The following FAT3 variants were observed in gnomAD, a reference collection of about 807,000 sequenced individuals.
FAT3 encodes the protein protocadherin Fat 3.
In FAT3, 95 loss-of-function variants were observed where a neutral mutation model predicts 310.2. The observed-to-expected ratio is 0.31, with a 90% CI of 0.26 to 0.36. FAT3 has a LOEUF of 0.36. FAT3 is among the 10% of genes least tolerant of loss of function. The pLI, the probability that FAT3 is intolerant of heterozygous loss-of-function variation, is 1.00. For missense variants in FAT3, 5,408 were observed against 5,715.6 expected (o/e 0.95, Z 1.74); for synonymous variants, 2,314 against 2,192.9 (o/e 1.06, Z -1.54).
At chr11:92,634,561 A>G (rs1941685045) in intron 3 of FAT3, among the ~76,000 whole-genome samples, 1 of 152,188 alleles carries the variant, frequency 6.6e-6, no homozygotes, top group Non-Finnish European at 1.5e-5. Context: ...CTGCTCATCT[A>G]TTCCAAAGAG....
At chr11:92,828,128 C>A (rs1190088824) in intron 13 of FAT3, among the ~76,000 whole-genome samples, 1 of 151,840 alleles carries the variant, frequency 6.6e-6, no homozygotes, top group Non-Finnish European at 1.5e-5. Flanking sequence ...TTGGGTTCAT[C>A]ATTTCTGCTG....
Position 92,705,321 on chromosome 11 carries a change from A to G in FAT3, c.3669+7876A>G, listed in dbSNP as rs543581739. 9.7e-5 allele frequency among the ~76,000 whole-genome samples: 13 copies of G among 134,280 alleles called. 1 individual carries two copies. The South Asian group carries it at 3.1e-3, about 32-fold the overall frequency. 88.1% of individuals were successfully genotyped at this position (134,280 alleles called of 152,430 possible). Reference sequence around the variant, plus strand: ...TGGTGGTGGTGTGATGATGGTGGTGATGGTGGTGGTGTGATGGTGGTGGTG... The same window carrying G: ...TGGTGGTGGTGTGATGATGGTGGTGGTGGTGGTGGTGTGATGGTGGTGGTG... On this transcript the variant is annotated intron_variant, in intron 4 of 27. Coordinates refer to ENST00000525166, the MANE Select transcript of FAT3 (RefSeq NM_001367949.2).
chr11:92,362,723 G>C (rs1591172783), intron 2 of FAT3, among the ~76,000 whole-genome samples: 2 of 152,184 alleles, frequency 1.3e-5, no homozygotes, highest in East Asian at 3.9e-4. Flanking sequence ...TGTGCCATCT[G>C]TTTTCTGCCA....
In FAT3 at chr11:92,750,750, GT is replaced by G. The variant is rs1591682687; in HGVS notation, c.3670-11103del. Among the ~76,000 whole-genome samples, 3 of 152,138 alleles carry G rather than the reference GT, an allele frequency of 2.0e-5. No homozygotes were observed. In the East Asian group the frequency reaches 5.8e-4, roughly 29 times the overall value. ...CGTGACTCCATTTTGGTTTGGTTTG[GT>G]TTGTTGATCCTGGTGCAGGCATTCA... On this transcript the variant is annotated intron_variant, in intron 4 of 27. Transcript: ENST00000525166.
chr11:92,402,173 A>T (rs1950029636), intron 2 of FAT3, among the ~76,000 whole-genome samples: 1 of 152,226 alleles, frequency 6.6e-6, no homozygotes, highest in Admixed American at 6.5e-5. Flanking sequence ...TGAAATTAAA[A>T]ATTAAAACCC....
At chr11:92,842,433 T>C (rs1948576504) in intron 18 of FAT3, among the ~76,000 whole-genome samples, 1 of 152,230 alleles carries the variant, frequency 6.6e-6, no homozygotes. Flanking sequence ...AAGTCTAAAC[T>C]TGTCACTCTC....
At chr11:92,587,156 A>T (rs181580262) in intron 3 of FAT3, among the ~76,000 whole-genome samples, 67 of 152,120 alleles carry the variant, frequency 4.4e-4, no homozygotes, top group Admixed American at 4.3e-3. Context: ...AATTGTGTGT[A>T]CTTTTACAGT....
At chr11:92,485,541 A>G (rs1033940422) in intron 2 of FAT3, among the ~76,000 whole-genome samples, 3 of 152,206 alleles carry the variant, frequency 2.0e-5, no homozygotes, top group Non-Finnish European at 2.9e-5. Flanking sequence ...ACCAAATCCA[A>G]TAGATTACAC....
rs1947299046 is a variant in FAT3 at position 92,800,257 on chromosome 11, G to T, written c.7244G>T (p.Cys2415Phe). 6.2e-7 allele frequency: 1 copy of T among 1,613,882 alleles called. No individual in the cohort carries two copies. The highest frequency in any genetic ancestry group is 8.5e-7 in the Non-Finnish European group (1 of 1,179,888). Reference protein sequence around the residue: ...ELAPRGHFVTCVQASDADSSD... With the variant: ...ELAPRGHFVTFVQASDADSSD... ...GCCCCCCGGGGCCATTTTGTAACCT[G>T]TGTACAAGCCTCTGATGCAGACAGC... The change falls in exon 10 of 28, where the codon TGT (cysteine) becomes TTT (phenylalanine). Residue 2415 changes from cysteine to phenylalanine, a missense_variant. This residue lies in a region of FAT3 where 4,588 missense variants were observed against 4,809.8 expected (regional missense o/e 0.95). Transcript: ENST00000525166.
chr11:92,510,545 T>A lies in FAT3; in HGVS notation c.3293-14089T>A, dbSNP rs907253047. On this transcript the variant is annotated intron_variant, in intron 2 of 27. Coordinates refer to ENST00000525166, the MANE Select transcript of FAT3 (RefSeq NM_001367949.2). Reference sequence around the variant, plus strand: ...AGAGTTTTTATAGAGAGAAGAGGTGTGCATTTGGAATCCTATAAAAATGGG... The same window carrying A: ...AGAGTTTTTATAGAGAGAAGAGGTGAGCATTTGGAATCCTATAAAAATGGG... Among the ~76,000 whole-genome samples the A allele has an allele frequency of 9.2e-5, 14 of 152,298 alleles. No homozygotes were observed. In the East Asian group the frequency reaches 2.5e-3, roughly 27 times the overall value.
intron 1 of FAT3, among the ~76,000 whole-genome samples, chr11:92,339,800 G>C (rs569977567): frequency 6.6e-6 from 1 of 152,062 alleles, no homozygotes; most frequent in Non-Finnish European, 1.5e-5. Context: ...AAAGCAGAGA[G>C]TGGTTTGAGA....
At chr11:92,373,711 C>G (rs1429563078) in intron 2 of FAT3, among the ~76,000 whole-genome samples, 1 of 150,790 alleles carries the variant, frequency 6.6e-6, no homozygotes. Flanking sequence ...TCGTAACATT[C>G]TGTATTAGGC....
rs1242979135 is a variant in FAT3, at chr11:92,836,438, CATT to C, written c.10087-126_10087-124del. The stretch of plus-strand genomic sequence containing the variant: ...CTTCTGCTGGGGGCGTGGTCACTAA[CATT>C]AGAGAGCAGAGCTCCCGAGAAAACT... On this transcript the variant is annotated intron_variant, in intron 15 of 27. Transcript: ENST00000525166. 5 of 1,057,128 alleles carry C rather than the reference CATT, an allele frequency of 4.7e-6. No homozygotes were observed. The East Asian group carries it at 1.1e-4, about 23-fold the overall frequency. The allele number at this position is 1,057,128 out of a possible 1,614,324, so 65.5% of individuals were successfully genotyped here.
chr11:92,806,394 T>C lies in FAT3; in HGVS notation c.9126T>C (p.Ile3042=), dbSNP rs374611723. Residue 3042 remains isoleucine (I), a synonymous_variant, in exon 12 of 28, where the codon ATT becomes ATC. Coordinates refer to ENST00000525166, the MANE Select transcript of FAT3 (RefSeq NM_001367949.2). ...VAYTALLPED[I]PSNKIILKVS... ...ATACAGCATTACTTCCTGAAGACAT[T>C]CCATCAAATAAAATCATCCTGAAAG... is the stretch of plus-strand genomic sequence containing the variant. 2 of 1,599,556 alleles carry C rather than the reference T, an allele frequency of 1.3e-6. No individual in the cohort carries two copies. The highest frequency in any genetic ancestry group is 1.7e-6 in the Non-Finnish European group (2 of 1,172,164).
chr11:92,570,370 T>C (rs1357090487), intron 3 of FAT3, among the ~76,000 whole-genome samples: 1 of 152,168 alleles, frequency 6.6e-6, no homozygotes, highest in African/African-American at 2.4e-5. Flanking sequence ...CAATGAAGGA[T>C]TGTGTGTGAG....
At chr11:92,837,302 T>C (rs1034483196) in intron 16 of FAT3, among the ~76,000 whole-genome samples, 1 of 152,208 alleles carries the variant, frequency 6.6e-6, no homozygotes, top group African/African-American at 2.4e-5. Context: ...GTGACAACTA[T>C]TGCACTGAGC....
intron 1 of FAT3, among the ~76,000 whole-genome samples, chr11:92,324,401 G>A (rs1947712057): frequency 6.6e-6 from 1 of 152,094 alleles, no homozygotes; most frequent in Admixed American, 6.5e-5. Flanking sequence ...GACATTGTAG[G>A]GTTATTAATT....
intron 2 of FAT3, among the ~76,000 whole-genome samples, chr11:92,459,524 G>A (rs1951583227): frequency 6.6e-6 from 1 of 152,094 alleles, no homozygotes; most frequent in African/African-American, 2.4e-5. Context: ...TTATTGTCAG[G>A]TTCCATTAAA....
chr11:92,696,192 G>A (rs553803962), intron 3 of FAT3, among the ~76,000 whole-genome samples: 14 of 152,084 alleles, frequency 9.2e-5, no homozygotes, highest in Admixed American at 9.2e-4. Context: ...ACTCTGTGGG[G>A]CACATTCCAG....
Sources: gnomAD v4.1 joint callset for allele counts (sites outside exome capture counted in the v4.1 genomes callset) on GRCh38, gnomAD v4.1.1 for gene constraint, gnomAD v4.1.1 regional missense constraint, MANE v1.5 for transcripts, NCBI Gene and HGNC (gene_info 2026-07-23, HGNC 2026-07-21) for gene names.